Variants in ARL9 observed in about 807,000 individuals in gnomAD.
ARL9 encodes the protein ARF like GTPase 9, also known as ADP-ribosylation factor-like protein 9.
In ARL9, 14 loss-of-function variants were observed where a neutral mutation model predicts 27.0. That is an observed-to-expected ratio of 0.52 (90% CI 0.34 to 0.81). ARL9 has a LOEUF of 0.81. Among genes scored for constraint, ARL9 ranks in the 30% least tolerant of loss-of-function variants. The pLI is 0.01. For synonymous variants in ARL9, 106 were observed against 108.7 expected (o/e 0.98, Z 0.15); for missense variants, 294 against 290.0 (o/e 1.01, Z -0.10).
chr4:56,523,995 C>T lies in ARL9; in HGVS notation c.*119C>T. ...TAAGCCATTTCCTATTTTCTCAGTG[C>T]ATGGGATGTATATAGTTAGCCCTCC... On this transcript the variant is annotated 3_prime_UTR_variant, in exon 4 of 4. Transcript: ENST00000640821. 1.0e-6 allele frequency: 1 copy of T among 962,558 alleles called. No homozygotes were observed. The highest frequency in any genetic ancestry group is 1.9e-5 in the South Asian group (1 of 52,720). The allele number at this position is 962,558 out of a possible 1,614,324, so 59.6% of individuals were successfully genotyped here. A position where few individuals can be genotyped will look rare whatever the true frequency, so the allele number is the denominator to read the frequency against.
At chr4:56,520,925 G>A (rs1721898687) in intron 3 of ARL9, among the ~76,000 whole-genome samples, 1 of 152,056 alleles carries the variant, frequency 6.6e-6, no homozygotes, top group Non-Finnish European at 1.5e-5. Context: ...TTAAAAGAGA[G>A]GTTGGGCCGG....
chr4:56,522,362 A>T (rs908746755), intron 3 of ARL9, among the ~76,000 whole-genome samples: 2 of 151,180 alleles, frequency 1.3e-5, no homozygotes, highest in Non-Finnish European at 2.9e-5. Flanking sequence ...CGGAGGTTGC[A>T]GTGAGCCGAG....
chr4:56,506,476 G>T (rs1448513126), intron 1 of ARL9, among the ~76,000 whole-genome samples: 3 of 151,980 alleles, frequency 2.0e-5, no homozygotes, highest in Non-Finnish European at 4.4e-5. Context: ...CAACACTAGC[G>T]CACAGACCAC....
At chr4:56,518,412 G>C (rs1266471645) in intron 2 of ARL9, among the ~76,000 whole-genome samples, 1 of 152,180 alleles carries the variant, frequency 6.6e-6, no homozygotes, top group African/African-American at 2.4e-5. Flanking sequence ...GGGATCAGGA[G>C]ACATCCACTG....
chr4:56,512,054 TC>T (rs969973531), intron 2 of ARL9, among the ~76,000 whole-genome samples: 28 of 152,324 alleles, frequency 1.8e-4, no homozygotes, highest in African/African-American at 6.5e-4. Flanking sequence ...CCTTGACTCC[TC>T]CTTTTGCATT....
rs979487843 is a variant in ARL9, at chr4:56,514,968, A to G, written c.442+3621A>G. Among the ~76,000 whole-genome samples, 23 of 152,282 alleles carry G rather than the reference A, an allele frequency of 1.5e-4. No individual in the cohort carries two copies. In the East Asian group the frequency reaches 2.7e-3, roughly 18 times the overall value. Reference sequence around the variant, plus strand: ...AAGGTTGGTTTAACATTTGAAAAATAGCCAGGTGTGGTGGCTTATGCCTGT... The same window carrying G: ...AAGGTTGGTTTAACATTTGAAAAATGGCCAGGTGTGGTGGCTTATGCCTGT... On this transcript the variant is annotated intron_variant, in intron 2 of 3. Transcript: ENST00000640821.
Position 56,506,133 on chromosome 4 carries a change from G to A in ARL9, c.271G>A (p.Glu91Lys). The A allele has an allele frequency of 8.1e-7, 1 of 1,233,558 alleles. No homozygotes were observed. Among genetic ancestry groups the A allele is most frequent in the East Asian group, 3.2e-5 (1 of 31,712 alleles). 76.4% of individuals were successfully genotyped at this position (1,233,558 alleles called of 1,614,324 possible). A position where few individuals can be genotyped will look rare whatever the true frequency, so the allele number is the denominator to read the frequency against. ...KDSTLTRTPL[E>K]PLEKNKQILV... is the part of the protein sequence containing the mutation. Reference sequence around the variant, plus strand: ...CAGCACCTTGACAAGGACCCCGCTCGAGCCGCTGGTAAGAGACCCAGTGCC... The same window carrying A: ...CAGCACCTTGACAAGGACCCCGCTCAAGCCGCTGGTAAGAGACCCAGTGCC... The change falls in exon 1 of 4, where the codon GAG becomes AAG. Residue 91 changes from glutamate (E) to lysine (K), a missense_variant. By Grantham distance (56) the Glu-to-Lys change is moderately conservative (BLOSUM62 1). Transcript: ENST00000640821.
chr4:56,522,981 A>T (rs963507841), intron 3 of ARL9, among the ~76,000 whole-genome samples: 14 of 152,258 alleles, frequency 9.2e-5, no homozygotes, highest in African/African-American at 3.1e-4. Flanking sequence ...TATAATTGGT[A>T]AAGTATCATA....
intron 2 of ARL9, among the ~76,000 whole-genome samples, chr4:56,515,538 G>C (rs554646978): frequency 1.3e-5 from 2 of 152,008 alleles, no homozygotes; most frequent in African/African-American, 4.8e-5. Flanking sequence ...AATAAAAGGC[G>C]TAAGAATTAG....
chr4:56,512,799 C>A (rs1247261955), intron 2 of ARL9, among the ~76,000 whole-genome samples: 1 of 152,104 alleles, frequency 6.6e-6, no homozygotes, highest in Non-Finnish European at 1.5e-5. Flanking sequence ...ACCTTAGCCT[C>A]CCAAAGTACT....
chr4:56,521,189 T>C lies in ARL9; in HGVS notation c.618+2336T>C, dbSNP rs28652810. Among the ~76,000 whole-genome samples, 879 of 144,434 alleles carry C rather than the reference T, an allele frequency of 6.1e-3. 10 individuals are homozygous for C. The highest frequency in any genetic ancestry group is 0.021 in the African/African-American group (828 of 38,662). 94.8% of individuals were successfully genotyped at this position (144,434 alleles called of 152,430 possible). On this transcript the variant is annotated intron_variant, in intron 3 of 3. Coordinates refer to ENST00000640821, the MANE Select transcript of ARL9 (RefSeq NM_001363794.2). ...TCGTGCCACTGCACTCCAGCCTGGG[T>C]GACAGAGTGACACTCCGCCCCAAAA... is the stretch of plus-strand genomic sequence containing the variant.
chr4:56,510,142 G>C (rs562923430), intron 1 of ARL9, among the ~76,000 whole-genome samples: 2 of 151,556 alleles, frequency 1.3e-5, no homozygotes, highest in East Asian at 3.9e-4. Flanking sequence ...GGCAGATCAC[G>C]AGGTCAGGAG....
intron 1 of ARL9, among the ~76,000 whole-genome samples, chr4:56,507,169 C>T (rs1039364617): frequency 6.6e-6 from 1 of 152,098 alleles, no homozygotes; most frequent in Non-Finnish European, 1.5e-5. Flanking sequence ...TTGACAAAAA[C>T]GGTGTTCAGA....
intron 3 of ARL9, among the ~76,000 whole-genome samples, chr4:56,521,877 G>A: frequency 6.6e-6 from 1 of 152,024 alleles, no homozygotes; most frequent in Non-Finnish European, 1.5e-5. Flanking sequence ...TGTTAGTTAT[G>A]TGCATTACAA....
At chr4:56,509,682 C>A (rs1721577584) in intron 1 of ARL9, among the ~76,000 whole-genome samples, 1 of 150,148 alleles carries the variant, frequency 6.7e-6, no homozygotes, top group African/African-American at 2.5e-5. Context: ...TTACAGGCAC[C>A]CACCACTGCA....
intron 1 of ARL9, among the ~76,000 whole-genome samples, chr4:56,510,369 A>G (rs1721602533): frequency 6.6e-6 from 1 of 151,958 alleles, no homozygotes; most frequent in Non-Finnish European, 1.5e-5. Context: ...AAAAAAAAAA[A>G]AAGTATAAGA....
rs1243872078 is a variant in ARL9, at chr4:56,522,956, C to T, written c.619-741C>T. Among the ~76,000 whole-genome samples, 3 of 152,180 alleles carry T rather than the reference C, an allele frequency of 2.0e-5. No homozygotes were observed. In the East Asian group the frequency reaches 5.8e-4, roughly 29 times the overall value. On this transcript the variant is annotated intron_variant, in intron 3 of 3. Transcript: ENST00000640821. ...GAAATAATGAGCACAAAAGAAAACT[C>T]ACAGTGGCAAGAACTATAATTGGTA...
intron 1 of ARL9, among the ~76,000 whole-genome samples, chr4:56,509,776 TGGCTCACTGCAACCTCCACCTCCTGGG>T (rs1721584272): frequency 2.1e-5 from 3 of 145,980 alleles, no homozygotes; most frequent in Non-Finnish European, 4.5e-5. Context: ...GGCACGATCT[TGGCTCACTGCAACCTCCACCTCCTGGG>T]TTCAAGCAAT....
At chr4:56,507,418 C>T (rs934269877) in intron 1 of ARL9, among the ~76,000 whole-genome samples, 1 of 150,742 alleles carries the variant, frequency 6.6e-6, no homozygotes, top group Non-Finnish European at 1.5e-5. Context: ...AGGCTCAAGT[C>T]ATCCTCCCAC....
Sources: gnomAD v4.1 joint callset for allele counts (sites outside exome capture counted in the v4.1 genomes callset) on GRCh38, gnomAD v4.1.1 for gene constraint, MANE v1.5 for transcripts, NCBI Gene and HGNC (gene_info 2026-07-23, HGNC 2026-07-21) for gene names.